The following RYR3 variants were observed in gnomAD, a reference collection of about 807,000 sequenced individuals.
RYR3 encodes the protein brain ryanodine receptor-calcium release channel.
RYR3 carries 207 observed loss-of-function variants against 584.3 expected under a neutral mutation model. The observed-to-expected ratio is 0.35, with a 90% CI of 0.32 to 0.40. The LOEUF is 0.40. Ranked by LOEUF, RYR3 falls within the 10% of genes least tolerant of loss-of-function variation. The pLI, the probability that RYR3 is intolerant of heterozygous loss-of-function variation, is 1.00. For synonymous variants in RYR3, 2,416 were observed against 2,248.5 expected, an observed-to-expected ratio of 1.07 and a Z score of -2.11; for missense variants, 5,616 against 6,089.2, an observed-to-expected ratio of 0.92 and a Z score of 2.59.
chr15:33,684,402 C>T (rs12908253), intron 38 of RYR3, among the ~76,000 whole-genome samples: 49,095 of 151,894 alleles, frequency 0.32, 8,742 homozygotes, highest in East Asian at 0.46. Flanking sequence ...AGCTGAGGGA[C>T]CTGACTCTTA....
intron 65 of RYR3, among the ~76,000 whole-genome samples, chr15:33,781,793 C>T (rs2074394360): frequency 6.7e-6 from 1 of 149,366 alleles, no homozygotes; most frequent in African/African-American, 2.4e-5. Context: ...TATAAGTTAA[C>T]CTTTCCTCAA....
intron 1 of RYR3, among the ~76,000 whole-genome samples, chr15:33,460,204 C>A (rs2047903774): frequency 6.6e-6 from 1 of 152,182 alleles, no homozygotes; most frequent in South Asian, 2.1e-4. Context: ...GCTGTGTTTT[C>A]ATTAGACTTA....
At chr15:33,803,021 G>A (rs17236574) in intron 69 of RYR3, among the ~76,000 whole-genome samples, 55,171 of 152,078 alleles carry the variant, frequency 0.36, 10,365 homozygotes, top group South Asian at 0.48. Flanking sequence ...GGGCTGGTAT[G>A]ACACCAAAAG....
At chr15:33,628,445 C>G in intron 20 of RYR3, 26 bp from the exon 21 acceptor site, 1 of 1,497,098 alleles carries the variant, frequency 6.7e-7, no homozygotes, top group Non-Finnish European at 9.3e-7. Flanking sequence ...ACAATCGATT[C>G]TTTTCACTTG....
intron 1 of RYR3, among the ~76,000 whole-genome samples, chr15:33,398,157 G>T (rs1418093843): frequency 2.0e-5 from 3 of 152,182 alleles, no homozygotes; most frequent in Non-Finnish European, 1.5e-5. Flanking sequence ...AAATAAAATG[G>T]ATGGTGAACA....
At chr15:33,741,223 C>A (rs889718562) in intron 51 of RYR3, among the ~76,000 whole-genome samples, 5 of 152,296 alleles carry the variant, frequency 3.3e-5, no homozygotes, top group Admixed American at 3.3e-4. Flanking sequence ...GAGAAAAGCA[C>A]CTTATTGCAA....
intron 27 of RYR3, among the ~76,000 whole-genome samples, chr15:33,642,486 CTT>C (rs1023310320): frequency 3.9e-5 from 6 of 152,332 alleles, no homozygotes; most frequent in Admixed American, 3.9e-4. Flanking sequence ...CACATTCCCT[CTT>C]TTATATTCCA....
intron 1 of RYR3, among the ~76,000 whole-genome samples, chr15:33,347,543 G>T (rs1350763199): frequency 5.3e-5 from 8 of 151,688 alleles, no homozygotes; most frequent in Admixed American, 3.9e-4. Flanking sequence ...GCCTCCCGGG[G>T]TCATGCCATT....
intron 2 of RYR3, among the ~76,000 whole-genome samples, chr15:33,478,020 C>T (rs979710515): frequency 2.6e-5 from 4 of 151,342 alleles, no homozygotes; most frequent in Middle Eastern, 3.2e-3. Context: ...AAAATGTGTT[C>T]CTAGGCACTA....
intron 1 of RYR3, among the ~76,000 whole-genome samples, chr15:33,417,981 C>T (rs1364395451): frequency 6.6e-6 from 1 of 152,056 alleles, no homozygotes; most frequent in Admixed American, 6.6e-5. Flanking sequence ...TGAATCACAT[C>T]AAATTGCGTA....
At position 33,845,753 on chromosome 15, in the gene RYR3, A is replaced by T. The variant is rs1465551238; in HGVS notation, c.13497+691A>T. Among the ~76,000 whole-genome samples, 5 of 152,316 alleles carry T rather than the reference A, an allele frequency of 3.3e-5. No individual in the cohort carries two copies. In the East Asian group the frequency reaches 9.6e-4, roughly 29 times the overall value. Reference sequence around the variant, plus strand: ...CTTCTGATCTTTGAATTGATGTCAAAATTTTTATAAAAATACCTTTTCATT... The same window carrying T: ...CTTCTGATCTTTGAATTGATGTCAATATTTTTATAAAAATACCTTTTCATT... On this transcript the variant is annotated intron_variant, in intron 93 of 103. Transcript: ENST00000634891.
intron 38 of RYR3, among the ~76,000 whole-genome samples, chr15:33,693,947 G>A (rs2065637646): frequency 6.6e-6 from 1 of 152,124 alleles, no homozygotes; most frequent in Non-Finnish European, 1.5e-5. Context: ...ATTTCTTTGA[G>A]GACAAAGGGG....
At chr15:33,452,108 T>C (rs2047181045) in intron 1 of RYR3, among the ~76,000 whole-genome samples, 1 of 152,198 alleles carries the variant, frequency 6.6e-6, no homozygotes, top group South Asian at 2.1e-4. Context: ...TTTGCCTCTT[T>C]CAGAATTAAA....
intron 38 of RYR3, among the ~76,000 whole-genome samples, chr15:33,693,728 A>G (rs902546278): frequency 3.3e-5 from 5 of 152,232 alleles, no homozygotes; most frequent in African/African-American, 9.6e-5. Flanking sequence ...AATTGACATC[A>G]ACTCCCACTT....
intron 65 of RYR3, 41 bp downstream of exon 65, chr15:33,780,382 G>A: frequency 6.2e-7 from 1 of 1,604,544 alleles, no homozygotes; most frequent in South Asian, 1.1e-5. Context: ...CATTTCATGT[G>A]CTGAGAGGAG....
intron 87 of RYR3, 118 bp downstream of exon 87, chr15:33,835,190 T>C (rs146077710): frequency 1.3e-6 from 1 of 750,890 alleles, no homozygotes; most frequent in East Asian, 2.9e-5. Flanking sequence ...GCCATGCATA[T>C]TAGGTCTCAG....
intron 2 of RYR3, among the ~76,000 whole-genome samples, chr15:33,494,888 C>A (rs1484184216): frequency 1.3e-5 from 2 of 152,166 alleles, no homozygotes; most frequent in African/African-American, 4.8e-5. Flanking sequence ...GCTCTTAACA[C>A]AAACAGGCAA....
intron 1 of RYR3, among the ~76,000 whole-genome samples, chr15:33,354,372 G>A (rs1002108154): frequency 5.9e-5 from 9 of 152,166 alleles, no homozygotes; most frequent in Admixed American, 2.6e-4. Flanking sequence ...ATTGCCTCTT[G>A]TTTGCTTTCT....
chr15:33,750,102 T>G, intron 56 of RYR3, 48 bp downstream of exon 56: 7 of 1,607,676 alleles, frequency 4.4e-6, no homozygotes, highest in Non-Finnish European at 5.9e-6. Context: ...CCGGGGCAGC[T>G]ATGGTCTCCC....
Sources: allele counts gnomAD v4.1 joint callset (sites outside exome capture counted in the v4.1 genomes callset), GRCh38; gene constraint gnomAD v4.1.1; transcripts MANE v1.5; gene names NCBI Gene and HGNC (gene_info 2026-07-23, HGNC 2026-07-21).